Variants in CTNNA3 observed in about 807,000 individuals in gnomAD.
CTNNA3 encodes catenin alpha-3.
A neutral mutation model predicts 95.7 loss-of-function variants in CTNNA3; 76 were observed. The observed-to-expected ratio is 0.79, with a 90% CI of 0.66 to 0.96. The LOEUF is 0.96. Ranked by LOEUF, CTNNA3 falls within the 40% of genes least tolerant of loss-of-function variation. The probability of loss-of-function intolerance (pLI) is 0.00; values close to 1 mark genes in which losing one functional copy is unlikely to be tolerated. For missense variants in CTNNA3, 1,191 were observed against 1,089.8 expected, an observed-to-expected ratio of 1.09 and a Z score of -1.31; for synonymous variants, 431 against 374.4, an observed-to-expected ratio of 1.15 and a Z score of -1.74.
chr10:65,927,530 A>G (rs1292360399), intron 17 of CTNNA3, among the ~76,000 whole-genome samples: 2 of 152,180 alleles, frequency 1.3e-5, no homozygotes, highest in African/African-American at 4.8e-5. Flanking sequence ...TATTTTCTAT[A>G]GTTGTATATA....
intron 9 of CTNNA3, among the ~76,000 whole-genome samples, chr10:66,712,534 G>A (rs1848327402): frequency 1.3e-5 from 2 of 152,092 alleles, no homozygotes; most frequent in Middle Eastern, 3.4e-3. Flanking sequence ...ATAAAATATG[G>A]AGAAGTTATT....
rs974169017 is a variant in CTNNA3, at chr10:67,185,369, G to A, written c.844-4849C>T. On this transcript the variant is annotated intron_variant, in intron 6 of 17. Transcript: ENST00000433211. Reference sequence around the variant, plus strand: ...TCTCGATCTCTTGACCACATGATCCGCCTGCCTCGGCCTCCCAAAGTGCTG... The same window carrying A: ...TCTCGATCTCTTGACCACATGATCCACCTGCCTCGGCCTCCCAAAGTGCTG... 3.3e-5 allele frequency among the ~76,000 whole-genome samples: 5 copies of A among 151,986 alleles called. No individual in the cohort carries two copies. The East Asian group carries it at 5.8e-4, about 18-fold the overall frequency.
chr10:66,425,477 A>G (rs1415775142), intron 11 of CTNNA3, among the ~76,000 whole-genome samples: 1 of 151,852 alleles, frequency 6.6e-6, no homozygotes, highest in Admixed American at 6.6e-5. Flanking sequence ...AACTGTACAC[A>G]CACTCAGATA....
At chr10:66,971,131 G>A (rs1589519350) in intron 7 of CTNNA3, among the ~76,000 whole-genome samples, 1 of 152,044 alleles carries the variant, frequency 6.6e-6, no homozygotes, top group Non-Finnish European at 1.5e-5. Flanking sequence ...AGGCAGGATA[G>A]TGAAGTTAAA....
intron 7 of CTNNA3, among the ~76,000 whole-genome samples, chr10:67,022,503 T>C (rs1309391201): frequency 6.6e-6 from 1 of 152,050 alleles, no homozygotes; most frequent in Non-Finnish European, 1.5e-5. Flanking sequence ...TTTTCAGAGA[T>C]GACAAAGGAA....
chr10:66,544,266 T>C (rs1392269319), intron 10 of CTNNA3, among the ~76,000 whole-genome samples: 1 of 152,038 alleles, frequency 6.6e-6, no homozygotes, highest in Non-Finnish European at 1.5e-5. Flanking sequence ...TGCAGCCTAT[T>C]AACCTATAAA....
intron 1 of CTNNA3, among the ~76,000 whole-genome samples, chr10:67,717,589 G>A (rs963245147): frequency 2.6e-5 from 4 of 152,086 alleles, no homozygotes; most frequent in African/African-American, 7.2e-5. Flanking sequence ...TTTCCCCATT[G>A]CTTGTTTTTG....
At chr10:67,003,508 C>T (rs1005342370) in intron 7 of CTNNA3, among the ~76,000 whole-genome samples, 4 of 152,126 alleles carry the variant, frequency 2.6e-5, no homozygotes, top group South Asian at 2.1e-4. Context: ...TACTATATTC[C>T]CAATCCTTAG....
intron 2 of CTNNA3, among the ~76,000 whole-genome samples, chr10:67,613,640 C>A (rs1335340843): frequency 3.3e-5 from 5 of 152,174 alleles, no homozygotes; most frequent in South Asian, 4.2e-4. Flanking sequence ...CCCCCCCCAA[C>A]AAAGACACGT....
At chr10:67,161,241 AAG>A (rs1314816797) in intron 7 of CTNNA3, among the ~76,000 whole-genome samples, 1 of 152,140 alleles carries the variant, frequency 6.6e-6, no homozygotes, top group African/African-American at 2.4e-5. Context: ...TCTGAAGATC[AAG>A]AGAGAAGAAA....
At chr10:66,044,163 T>C (rs575060664) in intron 15 of CTNNA3, among the ~76,000 whole-genome samples, 2 of 152,220 alleles carry the variant, frequency 1.3e-5, no homozygotes, top group African/African-American at 2.4e-5. Context: ...CCCGGCTAAT[T>C]GCATCTTTAG....
chr10:67,588,751 A>T (rs1396432040), intron 3 of CTNNA3, among the ~76,000 whole-genome samples: 4 of 152,108 alleles, frequency 2.6e-5, no homozygotes, highest in Non-Finnish European at 5.9e-5. Context: ...AGGAACCATT[A>T]TATTCATTTT....
chr10:66,187,508 C>T (rs2086407520), intron 13 of CTNNA3, among the ~76,000 whole-genome samples: 2 of 151,228 alleles, frequency 1.3e-5, no homozygotes, highest in Admixed American at 6.6e-5. Flanking sequence ...TGTTGAGCTT[C>T]TGTGCAAGCA....
At chr10:66,251,462 A>T (rs2090549715) in intron 13 of CTNNA3, among the ~76,000 whole-genome samples, 2 of 152,178 alleles carry the variant, frequency 1.3e-5, no homozygotes, top group African/African-American at 4.8e-5. Context: ...GATTGGAGTT[A>T]CATTTTTATA....
chr10:66,284,911 A>T (rs574515942), intron 12 of CTNNA3, among the ~76,000 whole-genome samples: 53 of 151,864 alleles, frequency 3.5e-4, no homozygotes, highest in Admixed American at 1.8e-3. Flanking sequence ...ACTTCTACAA[A>T]TACCACTTTA....
intron 5 of CTNNA3, among the ~76,000 whole-genome samples, chr10:67,358,501 G>A (rs1307079943): frequency 6.6e-6 from 1 of 152,122 alleles, no homozygotes; most frequent in Non-Finnish European, 1.5e-5. Context: ...GAGGAAGCTA[G>A]GAAGCCTACA....
intron 15 of CTNNA3, among the ~76,000 whole-genome samples, chr10:66,034,991 A>G (rs893532692): frequency 1.3e-5 from 2 of 152,194 alleles, no homozygotes; most frequent in African/African-American, 2.4e-5. Flanking sequence ...AACAGCTTAG[A>G]GTTAAATTTA....
At chr10:67,103,206 T>A (rs1177584129) in intron 7 of CTNNA3, among the ~76,000 whole-genome samples, 2 of 151,882 alleles carry the variant, frequency 1.3e-5, no homozygotes, top group African/African-American at 4.8e-5. Flanking sequence ...TTGCTTTCTA[T>A]TCTAAAGTAA....
At chr10:66,915,000 A>G (rs1316103605) in intron 7 of CTNNA3, among the ~76,000 whole-genome samples, 3 of 152,200 alleles carry the variant, frequency 2.0e-5, no homozygotes, top group Non-Finnish European at 4.4e-5. Flanking sequence ...AAAGAGATAA[A>G]GAGATGGAAA....
Sources: allele counts gnomAD v4.1 joint callset (sites outside exome capture counted in the v4.1 genomes callset), GRCh38; gene constraint gnomAD v4.1.1; transcripts MANE v1.5; gene names NCBI Gene and HGNC (gene_info 2026-07-23, HGNC 2026-07-21).